The following PACS2 variants were observed in gnomAD, a reference collection of about 807,000 sequenced individuals.
PACS2 encodes the protein phosphofurin acidic cluster sorting protein 2.
PACS2 carries 36 observed loss-of-function variants against 113.0 expected under a neutral mutation model. The observed-to-expected ratio is 0.32, with a 90% CI of 0.24 to 0.42. The LOEUF is 0.42. Among genes scored for constraint, PACS2 ranks in the 10% least tolerant of loss-of-function variants. The probability of loss-of-function intolerance (pLI) is 1.00; values close to 1 mark genes in which losing one functional copy is unlikely to be tolerated. For missense variants in PACS2, 1,015 were observed against 1,239.5 expected (o/e 0.82, Z 2.72); for synonymous variants, 589 against 536.1 (o/e 1.10, Z -1.36).
At chr14:105,367,159 A>G in intron 4 of PACS2, 54 bp from the exon 5 acceptor site, 2 of 1,550,748 alleles carry the variant, frequency 1.3e-6, no homozygotes, top group South Asian at 2.3e-5. Flanking sequence ...ACATCAGGGC[A>G]CCGGGGCTCC....
intron 1 of PACS2, among the ~76,000 whole-genome samples, chr14:105,332,490 T>C (rs1275230046): frequency 6.6e-6 from 1 of 152,164 alleles, no homozygotes; most frequent in African/African-American, 2.4e-5. Flanking sequence ...AGGAAGCAGT[T>C]GGGATTGTGA....
intron 8 of PACS2, among the ~76,000 whole-genome samples, chr14:105,373,868 C>T (rs782710084): frequency 1.6e-4 from 25 of 151,964 alleles, no homozygotes; most frequent in Non-Finnish European, 3.4e-4. Context: ...TGCGGTGGCT[C>T]ACGCCTGTAA....
Position 105,393,243 on chromosome 14 carries a change from C to A in PACS2, c.2504C>A (p.Ala835Glu), listed in dbSNP as rs587742490. 6.2e-7 allele frequency: 1 copy of A among 1,612,506 alleles called. No individual in the cohort carries two copies. The highest frequency in any genetic ancestry group is 8.5e-7 in the Non-Finnish European group (1 of 1,179,696). ...CCAGTGATGTTTCTGCCCAAGAAAG[C>A]GAAGGACAAGGACGTGGAGTCTAAG... is the stretch of plus-strand genomic sequence containing the variant. ...NKKVMFLPKK[A>E]KDKDVESKSQ... Residue 835 changes from alanine (A) to glutamate (E), a missense_variant, in exon 24 of 25, where the codon GCG becomes GAG. Ala to Glu is a moderately radical substitution (Grantham distance 107, BLOSUM62 -1). Coordinates refer to ENST00000447393, the MANE Select transcript of PACS2 (RefSeq NM_001100913.3).
In PACS2 at chr14:105,384,502, G is replaced by C. The variant is rs782653558; in HGVS notation, c.1891+39G>C. On this transcript the variant is annotated intron_variant, in intron 17 of 24. Transcript: ENST00000447393. ...GCGTCCACAGCCCACGCCACGGCGG[G>C]AGGAAGGGGCCCCGGTTTCCCCAGA... The C allele has an allele frequency of 2.8e-6, 4 of 1,409,360 alleles. No individual in the cohort carries two copies. The African/African-American group carries it at 5.7e-5, about 20-fold the overall frequency. 87.3% of individuals were successfully genotyped at this position (1,409,360 alleles called of 1,614,324 possible). A position where few individuals can be genotyped will look rare whatever the true frequency, so the allele number is the denominator to read the frequency against.
chr14:105,393,165 T>A, intron 23 of PACS2, 57 bp from the exon 24 acceptor site: 1 of 1,382,096 alleles, frequency 7.2e-7, no homozygotes, highest in South Asian at 1.2e-5. Context: ...CCCCTGGCCC[T>A]GGCCCCAGCC....
intron 4 of PACS2, among the ~76,000 whole-genome samples, chr14:105,359,247 G>T (rs1164099602): frequency 6.6e-6 from 1 of 151,618 alleles, no homozygotes; most frequent in Non-Finnish European, 1.5e-5. Context: ...GCCATCGTCA[G>T]TGCCCTATTC....
At chr14:105,312,145 GC>G (rs937660625), upstream of PACS2, among the ~76,000 whole-genome samples, 4 of 152,242 alleles carry the variant, frequency 2.6e-5, no homozygotes, top group African/African-American at 9.6e-5. Context: ...TTTCCAAGCA[GC>G]CCATGGTCCT....
chr14:105,380,051 C>G, intron 10 of PACS2, 29 bp from the exon 11 acceptor site: 1 of 1,545,770 alleles, frequency 6.5e-7, no homozygotes, highest in Non-Finnish European at 8.8e-7. Context: ...CAGTTGAGCA[C>G]AAGCTGATTC....
chr14:105,389,689 T>C, intron 19 of PACS2: 1 of 521,114 alleles, frequency 1.9e-6, no homozygotes, highest in East Asian at 3.2e-5. Flanking sequence ...TGGCCTGTCC[T>C]CCTGACCATG....
At chr14:105,321,013 C>T (rs892389467) in intron 1 of PACS2, among the ~76,000 whole-genome samples, 39 of 152,238 alleles carry the variant, frequency 2.6e-4, no homozygotes, top group Admixed American at 1.2e-3. Flanking sequence ...ATTAGCCAGG[C>T]GTGGTGGCAC....
intron 3 of PACS2, among the ~76,000 whole-genome samples, chr14:105,353,128 CCT>C (rs1297427639): frequency 3.1e-5 from 4 of 129,230 alleles, no homozygotes; most frequent in Admixed American, 7.4e-5. Context: ...ACGGGCACCC[CCT>C]CATCACTGTC....
chr14:105,301,440 C>G (rs1166946375), intron 1 of PACS2, among the ~76,000 whole-genome samples: 2 of 145,024 alleles, frequency 1.4e-5, no homozygotes, highest in African/African-American at 5.2e-5. Flanking sequence ...GCGAGGGGGC[C>G]GAGCGTGGTG....
chr14:105,367,226 C>G lies in PACS2; in HGVS notation c.437C>G (p.Pro146Arg), dbSNP rs1214319249. The G allele has an allele frequency of 2.5e-6, 4 of 1,612,994 alleles. No individual in the cohort carries two copies. Among genetic ancestry groups the G allele is most frequent in the Non-Finnish European group, 3.4e-6 (4 of 1,179,922 alleles). ...CCTGGCCTGCAGGTGATGCAACACCCGTCTGAAGGTGGCCAGGTGCTGAGC... is the reference window on the plus strand; with the variant it reads ...CCTGGCCTGCAGGTGATGCAACACCGGTCTGAAGGTGGCCAGGTGCTGAGC... ...SISMAEVMQH[P>R]SEGGQVLSLC... The change falls in exon 5 of 25, where the codon CCG becomes CGG. Residue 146 changes from proline (P) to arginine (R), a missense_variant. Physicochemically the swap from Pro to Arg is moderately radical, Grantham distance 103. Coordinates refer to ENST00000447393, the MANE Select transcript of PACS2 (RefSeq NM_001100913.3).
rs2141306515 is a variant in PACS2 at position 105,391,720 on chromosome 14, A to C, written c.2209A>C (p.Thr737Pro). ...TCCTGCGGCCAAGGAGGCCTCACCC[A>C]CCCCGCCCTCCTCCCCGTCGGTGAG... is the stretch of plus-strand genomic sequence containing the variant. The part of the protein sequence containing the change: ...ASPAAKEASP[T>P]PPSSPSVSGG... The change falls in exon 22 of 25, where the codon ACC (threonine) becomes CCC (proline). Residue 737 changes from threonine to proline, a missense_variant. By Grantham distance (38) the Thr-to-Pro change is conservative. Around this residue, in one of 3 missense-constraint regions of PACS2, gnomAD observed 859 missense variants for 1,056.8 expected, o/e 0.81. Transcript: ENST00000447393. 6.3e-7 allele frequency: 1 copy of C among 1,595,968 alleles called. No individual in the cohort carries two copies. The highest frequency in any genetic ancestry group is 8.5e-7 in the Non-Finnish European group (1 of 1,172,054).
intron 23 of PACS2, 35 bp downstream of exon 23, chr14:105,392,880 A>G: frequency 6.7e-7 from 1 of 1,499,740 alleles, no homozygotes; most frequent in Non-Finnish European, 9.2e-7. Flanking sequence ...CACACGGCGC[A>G]GAAGGGCGGC....
Position 105,314,978 on chromosome 14 carries a change from GC to G in PACS2, c.63del (p.Met22Ter). 1 of 1,246,354 alleles carries G rather than the reference GC, an allele frequency of 8.0e-7. No individual in the cohort carries two copies. The allele number at this position is 1,246,354 out of a possible 1,614,324, so 77.2% of individuals were successfully genotyped here. Reference protein sequence around the residue: ...GAPGALNTPVPMNLFATWEVD... With the variant: ...GAPGALNTPVXMNLFATWEVD... ...CGCCCGGCGCGCTCAACACGCCCGT[GC>G]CCATGAACCTGTTCGCCACCTGGGA... On this transcript the variant is annotated frameshift_variant, in exon 1 of 25. Transcript: ENST00000447393. LOFTEE classifies it high-confidence loss of function.
At chr14:105,314,490 G>A (rs1465805082), upstream of PACS2, 1 of 148,376 alleles carries the variant, frequency 6.7e-6, no homozygotes, top group Non-Finnish European at 1.5e-5. Flanking sequence ...GGCGGGGTCT[G>A]TGCGCAGGCG....
Position 105,364,467 on chromosome 14 carries a change from T to G in PACS2, c.424-2746T>G, listed in dbSNP as rs1453436228. ...CGTCCCGGGTGCGCGGTGGGCGGCG[T>G]CCCGGGTGCGCGGTGGGTGGCGGCC... is the stretch of plus-strand genomic sequence containing the variant. On this transcript the variant is annotated intron_variant, in intron 4 of 24. Transcript: ENST00000447393. Among the ~76,000 whole-genome samples, 655 of 74,358 alleles carry G rather than the reference T, an allele frequency of 8.8e-3. 6 individuals are homozygous for G. Among genetic ancestry groups the G allele is most frequent in the African/African-American group, 0.034 (576 of 17,146 alleles). 48.8% of individuals were successfully genotyped at this position (74,358 alleles called of 152,430 possible). A position where few individuals can be genotyped will look rare whatever the true frequency, so the allele number is the denominator to read the frequency against.
chr14:105,364,496 G>T (rs1555407496), intron 4 of PACS2, among the ~76,000 whole-genome samples: 3 of 148,722 alleles, frequency 2.0e-5, no homozygotes, highest in African/African-American at 4.9e-5. Context: ...GGCGGCCCGG[G>T]TGCGCGGTGG....
Sources: gnomAD v4.1 joint callset for allele counts (sites outside exome capture counted in the v4.1 genomes callset) on GRCh38, gnomAD v4.1.1 for gene constraint, gnomAD v4.1.1 regional missense constraint, MANE v1.5 for transcripts, NCBI Gene and HGNC (gene_info 2026-07-23, HGNC 2026-07-21) for gene names.